NTN4: variants seen among roughly 807,000 people sequenced by gnomAD.
NTN4 encodes the protein netrin 4, also known as netrin-4.
In NTN4, 32 loss-of-function variants were observed where a neutral mutation model predicts 73.6. The observed-to-expected ratio is 0.44, with a 90% CI of 0.33 to 0.58. The LOEUF (loss-of-function observed/expected upper bound fraction) is 0.58, where lower values mean the gene tolerates loss of function less well. Ranked by LOEUF, NTN4 falls within the 20% of genes least tolerant of loss-of-function variation. NTN4 has a pLI of 0.04. For synonymous variants in NTN4, 258 were observed against 287.5 expected (o/e 0.90, Z 1.04); for missense variants, 654 against 798.3 (o/e 0.82, Z 2.18).
intron 3 of NTN4, among the ~76,000 whole-genome samples, chr12:95,717,892 T>C (rs1458031351): frequency 1.3e-5 from 2 of 152,232 alleles, no homozygotes; most frequent in African/African-American, 4.8e-5. Context: ...TTGGATATTC[T>C]ATGATTTCCA....
At chr12:95,729,949 C>T (rs1319970822) in intron 3 of NTN4, among the ~76,000 whole-genome samples, 1 of 152,064 alleles carries the variant, frequency 6.6e-6, no homozygotes, top group Non-Finnish European at 1.5e-5. Context: ...ATTGGAAGGC[C>T]AGGTCTTCCA....
chr12:95,697,599 A>G (rs2078451812), intron 5 of NTN4, among the ~76,000 whole-genome samples: 1 of 151,834 alleles, frequency 6.6e-6, no homozygotes, highest in African/African-American at 2.4e-5. Context: ...TTTATCAGTA[A>G]GCAGGGCCTT....
intron 2 of NTN4, among the ~76,000 whole-genome samples, chr12:95,771,269 G>A (rs185232032): frequency 6.6e-6 from 1 of 152,300 alleles, no homozygotes; most frequent in Admixed American, 6.5e-5. Flanking sequence ...GATTACAGGC[G>A]TGAGCCACCG....
chr12:95,673,086 A>C (rs2078246436), intron 7 of NTN4: 6 of 1,389,762 alleles, frequency 4.3e-6, no homozygotes, highest in Non-Finnish European at 5.0e-6. Flanking sequence ...CGGGCGGACT[A>C]CTGTCCCCAG....
At chr12:95,673,382 TGTG>T (rs2078248847) in intron 7 of NTN4, 2 of 246,144 alleles carry the variant, frequency 8.1e-6, no homozygotes, top group Non-Finnish European at 1.6e-5. Context: ...ACTAAGAACT[TGTG>T]GGGGAGGAAC....
In NTN4 at chr12:95,682,741, C is replaced by T. The variant is rs1318039991; in HGVS notation, c.1476G>A (p.Glu492=). ...GAAGTGCAGAAAACCCCTGCGCATC[C>T]TCCCACTCCCAGGCTGGTTCGCTCT... ...HNKSEPAWEW[E]DAQGFSALLH... Residue 492 remains glutamate (E), a synonymous_variant, in exon 7 of 10, where the codon GAG becomes GAA. Transcript: ENST00000343702. 6 of 1,613,620 alleles carry T rather than the reference C, an allele frequency of 3.7e-6. No homozygotes were observed. Among genetic ancestry groups the T allele is most frequent in the Admixed American group, 1.7e-5 (1 of 59,992 alleles).
At position 95,683,308 on chromosome 12, in the gene NTN4, C is replaced by T. The variant is rs569983372; in HGVS notation, c.1394+190G>A. ...AACTCCTGACCTCAGGTGATCCACC[C>T]GCCTCAGCCTCCCAAAGTGTTGGAA... On this transcript the variant is annotated intron_variant, in intron 6 of 9. Coordinates refer to ENST00000343702, the MANE Select transcript of NTN4 (RefSeq NM_021229.4). Among the ~76,000 whole-genome samples, 36 of 152,294 alleles carry T rather than the reference C, an allele frequency of 2.4e-4. No individual in the cohort carries two copies. In the East Asian group the frequency reaches 3.5e-3, roughly 15 times the overall value.
chr12:95,687,810 G>C (rs2078373333), intron 5 of NTN4, among the ~76,000 whole-genome samples: 1 of 152,102 alleles, frequency 6.6e-6, no homozygotes, highest in Non-Finnish European at 1.5e-5. Context: ...TGTCTTTGGG[G>C]CCCCAGAACA....
At chr12:95,785,621 G>GA (rs2079161767) in intron 2 of NTN4, among the ~76,000 whole-genome samples, 1 of 152,180 alleles carries the variant, frequency 6.6e-6, no homozygotes, top group African/African-American at 2.4e-5. Flanking sequence ...TGGAAGTGGG[G>GA]AAAGGAGGCC....
At chr12:95,666,440 G>A (rs549608805) in intron 8 of NTN4, among the ~76,000 whole-genome samples, 1 of 151,926 alleles carries the variant, frequency 6.6e-6, no homozygotes, top group African/African-American at 2.4e-5. Context: ...TAAAAATACT[G>A]AATTAAAAAA....
intron 5 of NTN4, among the ~76,000 whole-genome samples, chr12:95,702,843 TTTTTTTTTTTTTTGG>T (rs1320255775): frequency 7.7e-4 from 32 of 41,360 alleles, no homozygotes; most frequent in South Asian, 4.1e-3. Context: ...TTTTCAATGG[TTTTTTTTTTTTTTGG>T]TTTTTTTTTT....
intron 3 of NTN4, among the ~76,000 whole-genome samples, chr12:95,732,164 T>C (rs1355693079): frequency 6.6e-6 from 1 of 152,132 alleles, no homozygotes; most frequent in Non-Finnish European, 1.5e-5. Flanking sequence ...GTTTTTTAAA[T>C]CTCCTGTTCG....
chr12:95,691,445 G>C (rs1042833632), intron 5 of NTN4, among the ~76,000 whole-genome samples: 3 of 152,218 alleles, frequency 2.0e-5, no homozygotes, highest in South Asian at 2.1e-4. Context: ...GCTCAGGCTA[G>C]AGTGCAGTGG....
chr12:95,787,108 G>A lies in NTN4; in HGVS notation c.416C>T (p.Pro139Leu), dbSNP rs775624265. ...HLIVMFKSPRPAAMVLDRSQD... is the reference protein window; with the variant it reads ...HLIVMFKSPRLAAMVLDRSQD... ...GGAGCGGTCCAGCACCATGGCAGCC[G>A]GCCTGGGGGACTTGAACATCACAAT... Residue 139 changes from proline to leucine, a missense_variant, in exon 2 of 10, where the codon CCG becomes CTG. By Grantham distance (98) the Pro-to-Leu change is moderately conservative. Coordinates refer to ENST00000343702, the MANE Select transcript of NTN4 (RefSeq NM_021229.4). 3.7e-6 allele frequency: 6 copies of A among 1,614,080 alleles called. No homozygotes were observed. Among genetic ancestry groups the A allele is most frequent in the Admixed American group, 1.7e-5 (1 of 60,008 alleles).
intron 2 of NTN4, among the ~76,000 whole-genome samples, chr12:95,767,596 A>C (rs1038959293): frequency 1.3e-5 from 2 of 152,184 alleles, no homozygotes; most frequent in Non-Finnish European, 2.9e-5. Context: ...CAGTGTCATA[A>C]GGCAGTTGTT....
Position 95,682,732 on chromosome 12 carries a change from C to T in NTN4, c.1485G>A (p.Gln495=), listed in dbSNP as rs559707298. ...CTGAGTGTAGAAGTGCAGAAAACCC[C>T]TGCGCATCCTCCCACTCCCAGGCTG... ...SEPAWEWEDA[Q]GFSALLHSGK... The change falls in exon 7 of 10, where the codon CAG becomes CAA. Residue 495 remains glutamine (Q), a synonymous_variant. Coordinates refer to ENST00000343702, the MANE Select transcript of NTN4 (RefSeq NM_021229.4). 6.2e-7 allele frequency: 1 copy of T among 1,613,334 alleles called. No homozygotes were observed. The highest frequency in any genetic ancestry group is 1.7e-5 in the Admixed American group (1 of 59,988).
At chr12:95,773,674 C>T (rs772465783) in intron 2 of NTN4, among the ~76,000 whole-genome samples, 9 of 152,002 alleles carry the variant, frequency 5.9e-5, no homozygotes, top group East Asian at 5.8e-4. Flanking sequence ...GAGGCTTTCT[C>T]GGGGAGCCCC....
chr12:95,723,711 C>T (rs965970370), intron 3 of NTN4, among the ~76,000 whole-genome samples: 34 of 152,042 alleles, frequency 2.2e-4, no homozygotes, highest in African/African-American at 7.7e-4. Context: ...GGGGTTTCGC[C>T]ATGCTGGCCA....
intron 3 of NTN4, among the ~76,000 whole-genome samples, chr12:95,726,278 C>A (rs561394241): frequency 1.3e-5 from 2 of 152,220 alleles, no homozygotes; most frequent in South Asian, 2.1e-4. Context: ...ACTTCTCATT[C>A]CCCCTTAATT....
Sources: allele counts gnomAD v4.1 joint callset (sites outside exome capture counted in the v4.1 genomes callset), GRCh38; gene constraint gnomAD v4.1.1; transcripts MANE v1.5; gene names NCBI Gene and HGNC (gene_info 2026-07-23, HGNC 2026-07-21).